ELMO1: variants seen among roughly 807,000 people sequenced by gnomAD.
ELMO1 encodes the protein engulfment and cell motility protein 1.
ELMO1 carries 26 observed loss-of-function variants against 98.9 expected under a neutral mutation model. The ratio of observed to expected loss-of-function variants is 0.26; its 90% CI spans 0.19 to 0.36. The LOEUF is 0.36. ELMO1 is among the 10% of genes least tolerant of loss of function. The pLI is 1.00. For synonymous variants in ELMO1, 346 were observed against 346.0 expected (o/e 1.00, Z 0.00); for missense variants, 627 against 935.2 (o/e 0.67, Z 4.30).
chr7:37,440,905 C>G (rs911111854), intron 1 of ELMO1, among the ~76,000 whole-genome samples: 1 of 152,016 alleles, frequency 6.6e-6, no homozygotes, highest in Non-Finnish European at 1.5e-5. Context: ...TCTGACCAAA[C>G]TCCTCCACTA....
Position 37,440,399 on chromosome 7 carries a change from G to A in ELMO1, c.-74+8276C>T, listed in dbSNP as rs530906334. On this transcript the variant is annotated intron_variant, in intron 1 of 21. Coordinates refer to ENST00000310758, the MANE Select transcript of ELMO1 (RefSeq NM_014800.11). ...AGAGGTTACAGTGAGCCACGATCGT[G>A]CCACTGCACTCCAGCCTGGGCAACA... Among the ~76,000 whole-genome samples, 25 of 150,332 alleles carry A rather than the reference G, an allele frequency of 1.7e-4. No individual in the cohort carries two copies. The South Asian group carries it at 4.2e-3, about 25-fold the overall frequency.
chr7:37,216,779 T>C, intron 10 of ELMO1, 84 bp from the exon 11 acceptor site: 3 of 1,436,012 alleles, frequency 2.1e-6, no homozygotes, highest in African/African-American at 1.4e-5. Flanking sequence ...TATCCTGGGG[T>C]GTGCTTCGTA....
At chr7:36,923,450 G>C (rs1785298981) in intron 16 of ELMO1, among the ~76,000 whole-genome samples, 1 of 152,246 alleles carries the variant, frequency 6.6e-6, no homozygotes, top group South Asian at 2.1e-4. Flanking sequence ...AGAAAATAAT[G>C]ATAAAAACCC....
chr7:36,871,771 A>G (rs1803527075), intron 19 of ELMO1, among the ~76,000 whole-genome samples: 1 of 152,192 alleles, frequency 6.6e-6, no homozygotes, highest in Non-Finnish European at 1.5e-5. Flanking sequence ...GGTACCCTAA[A>G]ATTACTAAGA....
chr7:37,171,661 T>A (rs1233384443), intron 13 of ELMO1, among the ~76,000 whole-genome samples: 5 of 151,642 alleles, frequency 3.3e-5, no homozygotes, highest in Non-Finnish European at 7.4e-5. Context: ...CCCAGCTAAT[T>A]TTTTGTATTT....
intron 3 of ELMO1, among the ~76,000 whole-genome samples, chr7:37,315,140 G>T (rs1490158590): frequency 6.6e-6 from 1 of 152,090 alleles, no homozygotes; most frequent in East Asian, 1.9e-4. Context: ...CTGATGCTAG[G>T]CCTACTGCTC....
chr7:37,285,745 G>A (rs1010851295), intron 4 of ELMO1, among the ~76,000 whole-genome samples: 1 of 152,210 alleles, frequency 6.6e-6, no homozygotes, highest in African/African-American at 2.4e-5. Flanking sequence ...AATGAGGAGT[G>A]CCTGTGTTTC....
At chr7:37,217,593 A>G in intron 10 of ELMO1, 1 of 405,030 alleles carries the variant, frequency 2.5e-6, no homozygotes, top group Non-Finnish European at 4.9e-6. Flanking sequence ...AGCAAAGAAA[A>G]CCAAGAACAT....
intron 13 of ELMO1, among the ~76,000 whole-genome samples, chr7:37,167,366 T>C (rs1482831454): frequency 6.6e-6 from 1 of 152,104 alleles, no homozygotes; most frequent in Non-Finnish European, 1.5e-5. Context: ...TATGTGTGAA[T>C]TTGATCCTGT....
intron 16 of ELMO1, among the ~76,000 whole-genome samples, chr7:36,924,121 T>G (rs1785353447): frequency 6.6e-6 from 1 of 152,194 alleles, no homozygotes; most frequent in Non-Finnish European, 1.5e-5. Flanking sequence ...TAAATACCAC[T>G]TGTTTCAACC....
intron 1 of ELMO1, among the ~76,000 whole-genome samples, chr7:37,404,382 C>T (rs888836198): frequency 2.0e-5 from 3 of 152,110 alleles, no homozygotes; most frequent in Non-Finnish European, 2.9e-5. Flanking sequence ...ATCTTATGCT[C>T]TTTCTCATTT....
At chr7:37,379,201 G>A (rs1802487421) in intron 1 of ELMO1, among the ~76,000 whole-genome samples, 1 of 151,990 alleles carries the variant, frequency 6.6e-6, no homozygotes, top group African/African-American at 2.4e-5. Context: ...CACCACTCCT[G>A]GCTAATTTTT....
At chr7:37,265,932 A>T (rs898396490) in intron 5 of ELMO1, among the ~76,000 whole-genome samples, 1 of 152,150 alleles carries the variant, frequency 6.6e-6, no homozygotes, top group African/African-American at 2.4e-5. Context: ...CCTTCCTCAA[A>T]GAGCACCACA....
chr7:37,219,279 C>T (rs1793466234), intron 10 of ELMO1, among the ~76,000 whole-genome samples: 1 of 152,202 alleles, frequency 6.6e-6, no homozygotes, highest in Non-Finnish European at 1.5e-5. Flanking sequence ...ACAGGTCCTT[C>T]TGACCATGGT....
chr7:36,853,045 C>G lies in ELMO1; in HGVS notation c.*2506G>C, dbSNP rs1252110215. ...CCCAGGCTTAGGAAACTGCAGGCAA[C>G]AGGAGATGAGTTGGAGGTGGTAGGC... On this transcript the variant is annotated 3_prime_UTR_variant, in exon 22 of 22. Coordinates refer to ENST00000310758, the MANE Select transcript of ELMO1 (RefSeq NM_014800.11). 2.6e-5 allele frequency among the ~76,000 whole-genome samples: 4 copies of G among 152,110 alleles called. No homozygotes were observed. Among genetic ancestry groups the G allele is most frequent in the Non-Finnish European group, 5.9e-5 (4 of 68,018 alleles).
At chr7:37,202,337 T>C (rs909012500) in intron 13 of ELMO1, among the ~76,000 whole-genome samples, 1 of 147,412 alleles carries the variant, frequency 6.8e-6, no homozygotes, top group African/African-American at 2.4e-5. Context: ...CCACAAAAAT[T>C]AAGTGAATGT....
At chr7:37,258,767 A>G (rs4723629) in intron 6 of ELMO1, among the ~76,000 whole-genome samples, 48,198 of 151,992 alleles carry the variant, frequency 0.32, 7,773 homozygotes, top group Middle Eastern at 0.43. Flanking sequence ...TGAGCTGTCA[A>G]TGAAAAAAGA....
chr7:37,244,827 TTC>T (rs1394359884), intron 6 of ELMO1, among the ~76,000 whole-genome samples: 2 of 152,200 alleles, frequency 1.3e-5, no homozygotes, highest in African/African-American at 2.4e-5. Context: ...ACTTTCTCTT[TTC>T]TCTCTCAGGT....
At chr7:36,997,148 G>C (rs1340128756) in intron 16 of ELMO1, among the ~76,000 whole-genome samples, 1 of 151,898 alleles carries the variant, frequency 6.6e-6, no homozygotes, top group African/African-American at 2.4e-5. Context: ...GCAGGATACA[G>C]AACAAACTGA....
Sources: allele counts gnomAD v4.1 joint callset (sites outside exome capture counted in the v4.1 genomes callset), GRCh38; gene constraint gnomAD v4.1.1; transcripts MANE v1.5; gene names NCBI Gene and HGNC (gene_info 2026-07-23, HGNC 2026-07-21).